Variants in SOX6 observed in about 807,000 individuals in gnomAD.
SOX6 encodes transcription factor SOX-6.
A neutral mutation model predicts 97.8 loss-of-function variants in SOX6; 11 were observed. That is an observed-to-expected ratio of 0.11 (90% CI 0.07 to 0.19). SOX6 has a LOEUF of 0.19. Ranked by LOEUF, SOX6 falls within the 10% of genes least tolerant of loss-of-function variation. SOX6 has a pLI of 1.00. For missense variants in SOX6, 810 were observed against 1,039.5 expected, an observed-to-expected ratio of 0.78 and a Z score of 3.04; for synonymous variants, 360 against 371.4, an observed-to-expected ratio of 0.97 and a Z score of 0.35.
intron 1 of SOX6, among the ~76,000 whole-genome samples, chr11:16,385,974 T>C (rs972645852): frequency 6.6e-6 from 1 of 152,216 alleles, no homozygotes; most frequent in Non-Finnish European, 1.5e-5. Context: ...ATTAACATGT[T>C]CAGAGGTCTG....
chr11:16,298,932 T>C (rs1424326597), intron 3 of SOX6, among the ~76,000 whole-genome samples: 1 of 152,078 alleles, frequency 6.6e-6, no homozygotes, highest in Non-Finnish European at 1.5e-5. Flanking sequence ...TAATAGAGGA[T>C]GAAGAGATAC....
intron 3 of SOX6, among the ~76,000 whole-genome samples, chr11:16,639,325 G>A (rs1043468697): frequency 1.2e-4 from 18 of 152,308 alleles, no homozygotes; most frequent in African/African-American, 3.8e-4. Flanking sequence ...TAGCCTTGTA[G>A]TATAGTTTGA....
At chr11:16,491,729 G>C (rs1216237029) in intron 4 of SOX6, among the ~76,000 whole-genome samples, 1 of 152,048 alleles carries the variant, frequency 6.6e-6, no homozygotes, top group Non-Finnish European at 1.5e-5. Context: ...ACAGACTAGA[G>C]AGCACAGAAA....
intron 6 of SOX6, among the ~76,000 whole-genome samples, chr11:16,119,053 CAG>C (rs968312589): frequency 1.3e-5 from 2 of 152,042 alleles, no homozygotes; most frequent in African/African-American, 2.4e-5. Flanking sequence ...CAGTCAGAAA[CAG>C]GGGATGGGGA....
At chr11:16,646,924 A>C (rs1243994700) in intron 3 of SOX6, among the ~76,000 whole-genome samples, 1 of 152,210 alleles carries the variant, frequency 6.6e-6, no homozygotes, top group African/African-American at 2.4e-5. Context: ...GCTGGACGAA[A>C]TGGTAGTTCT....
intron 3 of SOX6, chr11:16,646,288 G>A (rs138815676): frequency 2.0e-5 from 3 of 152,314 alleles, no homozygotes; most frequent in East Asian, 3.9e-4. Context: ...AGTCAATGGC[G>A]AAGAGAAGCA....
intron 12 of SOX6, among the ~76,000 whole-genome samples, chr11:16,040,757 C>G (rs1257616365): frequency 6.6e-6 from 1 of 151,954 alleles, no homozygotes; most frequent in East Asian, 1.9e-4. Context: ...AAAGGAAATG[C>G]TGGAGTAAAG....
chr11:16,006,028 G>A (rs909623943), intron 13 of SOX6, among the ~76,000 whole-genome samples: 8 of 151,860 alleles, frequency 5.3e-5, no homozygotes, highest in African/African-American at 1.5e-4. Flanking sequence ...GTAAGGCATC[G>A]ATCAGTCACA....
chr11:16,130,728 C>A (rs1370402949), intron 6 of SOX6, among the ~76,000 whole-genome samples: 4 of 151,824 alleles, frequency 2.6e-5, no homozygotes, highest in Non-Finnish European at 2.9e-5. Context: ...TCAAAACTTA[C>A]TATAATGCCA....
chr11:16,525,161 C>T (rs1226806858), intron 4 of SOX6, among the ~76,000 whole-genome samples: 1 of 152,138 alleles, frequency 6.6e-6, no homozygotes, highest in East Asian at 1.9e-4. Context: ...CAAAAAAGAG[C>T]CCGCATTGCC....
intron 11 of SOX6, among the ~76,000 whole-genome samples, chr11:16,048,256 ATG>A (rs778025217): frequency 1.3e-5 from 2 of 152,218 alleles, no homozygotes; most frequent in Non-Finnish European, 2.9e-5. Context: ...CATGCTGGAA[ATG>A]ATTTAATTCT....
chr11:16,134,738 T>A (rs1282857336), intron 6 of SOX6, among the ~76,000 whole-genome samples: 1 of 152,220 alleles, frequency 6.6e-6, no homozygotes, highest in Non-Finnish European at 1.5e-5. Flanking sequence ...TTGCATGCGT[T>A]CAGGCTGCAC....
At chr11:16,330,812 G>T (rs916384787) in intron 2 of SOX6, among the ~76,000 whole-genome samples, 4 of 152,112 alleles carry the variant, frequency 2.6e-5, no homozygotes, top group African/African-American at 7.2e-5. Context: ...ATCGAAGTCA[G>T]GAGATATAAA....
intron 1 of SOX6, among the ~76,000 whole-genome samples, chr11:16,465,006 A>G (rs1044886281): frequency 2.0e-5 from 3 of 152,194 alleles, no homozygotes; most frequent in Non-Finnish European, 2.9e-5. Flanking sequence ...TATTTCAATC[A>G]TTTACTGTTT....
At chr11:16,628,288 G>T (rs1327186574) in intron 3 of SOX6, among the ~76,000 whole-genome samples, 1 of 152,024 alleles carries the variant, frequency 6.6e-6, no homozygotes, top group Non-Finnish European at 1.5e-5. Flanking sequence ...CTCTTTTCTG[G>T]TTCCATATGA....
chr11:16,583,579 G>GTATA (rs72420581), intron 4 of SOX6, among the ~76,000 whole-genome samples: 1,420 of 114,874 alleles, frequency 0.012, 26 homozygotes, highest in Non-Finnish European at 0.021. Context: ...ATTTCATTGT[G>GTATA]TATATATATA....
At chr11:16,450,488 T>C (rs1409829029) in intron 1 of SOX6, among the ~76,000 whole-genome samples, 2 of 152,232 alleles carry the variant, frequency 1.3e-5, no homozygotes, top group Non-Finnish European at 2.9e-5. Context: ...ATAAGTGATT[T>C]GGATGCTGCC....
At chr11:16,111,476 A>G (rs1849227545) in intron 7 of SOX6, among the ~76,000 whole-genome samples, 1 of 152,206 alleles carries the variant, frequency 6.6e-6, no homozygotes, top group Admixed American at 6.6e-5. Flanking sequence ...TCTCACCAGG[A>G]GAAAAGGATC....
At chr11:16,638,509 G>A (rs537847393) in intron 3 of SOX6, among the ~76,000 whole-genome samples, 1 of 152,288 alleles carries the variant, frequency 6.6e-6, no homozygotes, top group South Asian at 2.1e-4. Context: ...CTTCCACAAT[G>A]ATTGAGCTAG....
Sources: gnomAD v4.1 joint callset for allele counts (sites outside exome capture counted in the v4.1 genomes callset) on GRCh38, gnomAD v4.1.1 for gene constraint, MANE v1.5 for transcripts, NCBI Gene and HGNC (gene_info 2026-07-23, HGNC 2026-07-21) for gene names.